The following DCC variants were observed in gnomAD, a reference collection of about 807,000 sequenced individuals.
The protein encoded by DCC is netrin receptor DCC.
A neutral mutation model predicts 172.5 loss-of-function variants in DCC; 58 were observed. The ratio of observed to expected loss-of-function variants is 0.34; its 90% CI spans 0.27 to 0.42. The LOEUF is 0.42. DCC is among the 10% of genes least tolerant of loss of function. DCC has a pLI of 1.00. For missense variants in DCC, 1,740 were observed against 1,791.0 expected (o/e 0.97, Z 0.51); for synonymous variants, 709 against 644.5 (o/e 1.10, Z -1.52).
chr18:52,704,229 A>G (rs748116785), intron 1 of DCC, among the ~76,000 whole-genome samples: 7 of 152,122 alleles, frequency 4.6e-5, no homozygotes, highest in Non-Finnish European at 8.8e-5. Context: ...TTTGTCATCT[A>G]ACACTGAAGG....
In DCC at chr18:53,199,736, T is replaced by C. The variant is rs544624538; in HGVS notation, c.1574-5480T>C. 5.9e-5 allele frequency among the ~76,000 whole-genome samples: 9 copies of C among 152,212 alleles called. No individual in the cohort carries two copies. In the East Asian group the frequency reaches 1.2e-3, roughly 20 times the overall value. ...CAAGTGAAACACAGAGCCTCGACACTAGCCAGGAATGCAGTAAACACATAT... is the reference window on the plus strand; with the variant it reads ...CAAGTGAAACACAGAGCCTCGACACCAGCCAGGAATGCAGTAAACACATAT... On this transcript the variant is annotated intron_variant, in intron 9 of 28. Transcript: ENST00000442544.
At position 53,138,139 on chromosome 18, in the gene DCC, T is replaced by A. The variant is rs188267799; in HGVS notation, c.1262-19217T>A. 5.6e-3 allele frequency among the ~76,000 whole-genome samples: 856 copies of A among 152,226 alleles called. 6 individuals are homozygous for A. Among genetic ancestry groups the A allele is most frequent in the Admixed American group, 0.023 (352 of 15,286 alleles). On this transcript the variant is annotated intron_variant, in intron 7 of 28. Coordinates refer to ENST00000442544, the MANE Select transcript of DCC (RefSeq NM_005215.4). ...CATTGTGCCCAGGGAGTAGTACTTTTAAAATCTGGTCTAATTTATACTGGT... is the reference window on the plus strand; with the variant it reads ...CATTGTGCCCAGGGAGTAGTACTTTAAAAATCTGGTCTAATTTATACTGGT...
At chr18:52,563,314 C>A (rs1208849778) in intron 1 of DCC, among the ~76,000 whole-genome samples, 1 of 152,056 alleles carries the variant, frequency 6.6e-6, no homozygotes, top group Non-Finnish European at 1.5e-5. Flanking sequence ...AGAAATAAAA[C>A]CCTCTTCAAC....
chr18:52,427,139 T>G (rs1252553597), intron 1 of DCC, among the ~76,000 whole-genome samples: 1 of 152,118 alleles, frequency 6.6e-6, no homozygotes, highest in South Asian at 2.1e-4. Context: ...TACTTACTAC[T>G]GGAAGGGAAA....
chr18:53,511,944 C>A (rs532311458), intron 27 of DCC, among the ~76,000 whole-genome samples: 1 of 152,226 alleles, frequency 6.6e-6, no homozygotes, highest in Non-Finnish European at 1.5e-5. Context: ...CCAGGAAGCT[C>A]GAACTGGGTG....
intron 5 of DCC, among the ~76,000 whole-genome samples, chr18:53,025,026 A>G (rs917509387): frequency 6.6e-6 from 1 of 152,152 alleles, no homozygotes; most frequent in Non-Finnish European, 1.5e-5. Context: ...ATTAAAAGTT[A>G]AAATATAATG....
chr18:53,048,905 G>A lies in DCC; in HGVS notation c.986-14400G>A, dbSNP rs147137221. ...TTAGTGTGAGATGGTATCTCATTGC[G>A]GTTTTGATTTGCATTTCTCTAATGA... On this transcript the variant is annotated intron_variant, in intron 5 of 28. Transcript: ENST00000442544. Among the ~76,000 whole-genome samples the A allele has an allele frequency of 4.1e-3, 616 of 151,724 alleles. 1 individual carries two copies. The highest frequency in any genetic ancestry group is 6.8e-3 in the Non-Finnish European group (465 of 67,892).
At chr18:52,869,631 G>T (rs577460335) in intron 2 of DCC, among the ~76,000 whole-genome samples, 1 of 152,214 alleles carries the variant, frequency 6.6e-6, no homozygotes, top group African/African-American at 2.4e-5. Flanking sequence ...TGCTCATGCC[G>T]AGGGGCACCA....
intron 1 of DCC, among the ~76,000 whole-genome samples, chr18:52,389,946 G>A (rs190898891): frequency 7.5e-4 from 114 of 152,180 alleles, no homozygotes; most frequent in African/African-American, 2.7e-3. Flanking sequence ...ATTGCTTCCA[G>A]TTCAAACAAG....
At chr18:53,333,594 G>A (rs1175486228) in intron 14 of DCC, among the ~76,000 whole-genome samples, 1 of 152,136 alleles carries the variant, frequency 6.6e-6, no homozygotes, top group Non-Finnish European at 1.5e-5. Flanking sequence ...GCTGGAGTGA[G>A]GTGAACGAAG....
intron 7 of DCC, among the ~76,000 whole-genome samples, chr18:53,136,297 G>A (rs1276314092): frequency 2.6e-5 from 4 of 151,268 alleles, no homozygotes; most frequent in African/African-American, 7.3e-5. Context: ...TATGCCCATC[G>A]GGAATATACT....
intron 1 of DCC, among the ~76,000 whole-genome samples, chr18:52,542,364 G>C (rs1801303860): frequency 6.6e-6 from 1 of 152,076 alleles, no homozygotes; most frequent in South Asian, 2.1e-4. Flanking sequence ...GTAAGTGTCA[G>C]CAAAAGTAAT....
chr18:52,857,273 T>C (rs555573756), intron 2 of DCC, among the ~76,000 whole-genome samples: 65 of 152,372 alleles, frequency 4.3e-4, no homozygotes, highest in Non-Finnish European at 2.5e-4. Context: ...CATTTTGCTA[T>C]CCTTGCTCTA....
At chr18:53,351,383 AG>A (rs1419700536) in intron 15 of DCC, among the ~76,000 whole-genome samples, 5 of 35,088 alleles carry the variant, frequency 1.4e-4, no homozygotes, top group Non-Finnish European at 2.7e-4. Flanking sequence ...ATATATATAC[AG>A]TATATATATA....
chr18:52,662,585 A>C, intron 1 of DCC, among the ~76,000 whole-genome samples: 1 of 146,196 alleles, frequency 6.8e-6, no homozygotes, highest in Admixed American at 6.8e-5. Context: ...GAAGGAAGGA[A>C]GGAAAGAAAG....
At chr18:53,059,083 G>A (rs2042456549) in intron 5 of DCC, among the ~76,000 whole-genome samples, 1 of 152,086 alleles carries the variant, frequency 6.6e-6, no homozygotes, top group South Asian at 2.1e-4. Context: ...CATGGTGGCA[G>A]CAAGGAGAAG....
chr18:53,067,654 A>G (rs1335115005), intron 7 of DCC, among the ~76,000 whole-genome samples: 1 of 152,232 alleles, frequency 6.6e-6, no homozygotes, highest in Non-Finnish European at 1.5e-5. Context: ...CTCTGAAATG[A>G]TTAAAGAAGT....
chr18:52,999,447 G>C (rs1187630564), intron 5 of DCC, among the ~76,000 whole-genome samples: 1 of 151,990 alleles, frequency 6.6e-6, no homozygotes, highest in Non-Finnish European at 1.5e-5. Context: ...TTTAGAAGGG[G>C]GCTTCTGTGC....
intron 12 of DCC, among the ~76,000 whole-genome samples, chr18:53,262,884 A>G (rs1013661825): frequency 1.3e-5 from 2 of 152,216 alleles, no homozygotes; most frequent in Non-Finnish European, 2.9e-5. Context: ...TTTTCAGGAA[A>G]TGAGAAGAGT....
Sources: allele counts gnomAD v4.1 joint callset (sites outside exome capture counted in the v4.1 genomes callset), GRCh38; gene constraint gnomAD v4.1.1; transcripts MANE v1.5; gene names NCBI Gene and HGNC (gene_info 2026-07-23, HGNC 2026-07-21).